The following MCTP2 variants were observed in gnomAD, a reference collection of about 807,000 sequenced individuals.
MCTP2 encodes the protein multiple C2 and transmembrane domain containing 2, also known as multiple C2 and transmembrane domain-containing protein 2.
MCTP2 carries 132 observed loss-of-function variants against 111.6 expected under a neutral mutation model. The observed-to-expected ratio is 1.18, with a 90% CI of 1.03 to 1.37. The LOEUF (loss-of-function observed/expected upper bound fraction) is 1.37, where lower values mean the gene tolerates loss of function less well. Among genes scored for constraint, MCTP2 ranks in the 40% most tolerant of loss-of-function variants. The pLI, the probability that MCTP2 is intolerant of heterozygous loss-of-function variation, is 0.00. For synonymous variants in MCTP2, 395 were observed against 387.7 expected (o/e 1.02, Z -0.22); for missense variants, 1,183 against 1,067.9 (o/e 1.11, Z -1.50).
chr15:94,340,162 A>C (rs760955411), intron 5 of MCTP2, 37 bp from the exon 6 acceptor site: 2 of 1,432,030 alleles, frequency 1.4e-6, no homozygotes, highest in Non-Finnish European at 2.0e-6. Context: ...TTGGTTTACC[A>C]TAATAATGTG....
chr15:94,467,794 C>T (rs776781990), intron 20 of MCTP2, among the ~76,000 whole-genome samples: 33 of 152,122 alleles, frequency 2.2e-4, no homozygotes, highest in Non-Finnish European at 3.2e-4. Flanking sequence ...AACATTTCAA[C>T]GCATATTGTA....
chr15:94,235,469 T>A (rs545492763), intron 1 of MCTP2, among the ~76,000 whole-genome samples: 40 of 152,282 alleles, frequency 2.6e-4, no homozygotes, highest in African/African-American at 9.6e-4. Flanking sequence ...TGAAAACCAC[T>A]GGTCTTAATA....
At position 94,395,777 on chromosome 15, in the gene MCTP2, A is replaced by C. The variant is rs2081252505; in HGVS notation, c.1789-3184A>C. ...AAGCATGACTCTGGGTCAAATTAAA[A>C]ATTTTCAGCAAGACTGTCTTCAGTG... On this transcript the variant is annotated intron_variant, in intron 14 of 22. Coordinates refer to ENST00000357742, the MANE Select transcript of MCTP2 (RefSeq NM_001385001.1). Among the ~76,000 whole-genome samples the C allele has an allele frequency of 2.0e-5, 3 of 152,306 alleles. No homozygotes were observed. The South Asian group carries it at 6.2e-4, about 32-fold the overall frequency.
At chr15:94,348,668 C>T (rs1411798327) in intron 8 of MCTP2, among the ~76,000 whole-genome samples, 2 of 150,768 alleles carry the variant, frequency 1.3e-5, no homozygotes, top group South Asian at 2.1e-4. Flanking sequence ...TCTAATTGAA[C>T]TCACATGTCT....
chr15:94,245,634 A>G (rs1292700672), intron 1 of MCTP2, among the ~76,000 whole-genome samples: 4 of 142,224 alleles, frequency 2.8e-5, no homozygotes, highest in Non-Finnish European at 6.1e-5. Context: ...ATATACATAT[A>G]CTTATACATA....
intron 1 of MCTP2, among the ~76,000 whole-genome samples, chr15:94,265,801 T>C (rs2073486437): frequency 6.6e-6 from 1 of 152,224 alleles, no homozygotes; most frequent in African/African-American, 2.4e-5. Context: ...ACTTAGAAAG[T>C]AGAAGGCTTT....
chr15:94,431,884 G>T (rs2083202533), intron 17 of MCTP2, among the ~76,000 whole-genome samples: 1 of 152,008 alleles, frequency 6.6e-6, no homozygotes, highest in Non-Finnish European at 1.5e-5. Flanking sequence ...TCTTTATTAT[G>T]ACAAATGAGT....
At chr15:94,324,560 C>A (rs1220244413) in intron 4 of MCTP2, among the ~76,000 whole-genome samples, 2 of 152,176 alleles carry the variant, frequency 1.3e-5, no homozygotes, top group African/African-American at 4.8e-5. Context: ...TAAATGAACA[C>A]TCATTCAGAA....
intron 1 of MCTP2, among the ~76,000 whole-genome samples, chr15:94,238,951 C>T (rs754332556): frequency 2.0e-5 from 3 of 149,976 alleles, no homozygotes; most frequent in Non-Finnish European, 4.4e-5. Context: ...TCTGTGTGAC[C>T]ACGCCCATGT....
intron 1 of MCTP2, among the ~76,000 whole-genome samples, chr15:94,250,792 G>A (rs1359282622): frequency 6.6e-6 from 1 of 152,170 alleles, no homozygotes; most frequent in Non-Finnish European, 1.5e-5. Context: ...AAAATTGACA[G>A]CAGAGCCCAA....
chr15:94,260,279 C>G (rs1011840085), intron 1 of MCTP2, among the ~76,000 whole-genome samples: 1 of 152,200 alleles, frequency 6.6e-6, no homozygotes, highest in Non-Finnish European at 1.5e-5. Flanking sequence ...GCTCTGCCAT[C>G]TCTTTAGCAT....
chr15:94,308,825 G>T (rs294539), intron 2 of MCTP2, among the ~76,000 whole-genome samples: 3,889 of 152,276 alleles, frequency 0.026, 83 homozygotes, highest in Middle Eastern at 0.068. Flanking sequence ...AGTAGACAGC[G>T]GTGTATTTCA....
chr15:94,441,947 A>G (rs115006061), intron 18 of MCTP2, among the ~76,000 whole-genome samples: 187 of 152,290 alleles, frequency 1.2e-3, no homozygotes, highest in African/African-American at 4.3e-3. Flanking sequence ...GAATTCTAGG[A>G]GGTAGGGCTA....
chr15:94,281,907 C>T (rs931307448), intron 1 of MCTP2, among the ~76,000 whole-genome samples: 1 of 152,006 alleles, frequency 6.6e-6, no homozygotes, highest in East Asian at 1.9e-4. Context: ...CTGAAAGGCC[C>T]ATCTTTGCCT....
intron 4 of MCTP2, among the ~76,000 whole-genome samples, chr15:94,332,004 C>T (rs1208452251): frequency 1.3e-5 from 2 of 152,180 alleles, no homozygotes; most frequent in Non-Finnish European, 2.9e-5. Flanking sequence ...TGGGAATGTG[C>T]ATGTTCTGTT....
Position 94,356,132 on chromosome 15 carries a change from T to A in MCTP2, c.1006-5T>A. 4 of 1,574,830 alleles carry A rather than the reference T, an allele frequency of 2.5e-6. No homozygotes were observed. The highest frequency in any genetic ancestry group is 3.4e-6 in the Non-Finnish European group (4 of 1,161,208). ...TTTACATGTCATCTTTATTTTTTGC[T>A]TTAGTCCTCTTTGATACGCAACCTA... On this transcript the variant is annotated splice_polypyrimidine_tract_variant and splice_region_variant and intron_variant, in intron 8 of 22. Transcript: ENST00000357742.
intron 1 of MCTP2, among the ~76,000 whole-genome samples, chr15:94,292,535 G>T (rs1056324370): frequency 2.0e-5 from 3 of 152,104 alleles, no homozygotes; most frequent in Non-Finnish European, 4.4e-5. Flanking sequence ...CAACAAAAAT[G>T]AAATACAAAT....
chr15:94,476,259 G>T (rs901256360), intron 21 of MCTP2: 2 of 154,688 alleles, frequency 1.3e-5, no homozygotes, highest in South Asian at 2.0e-4. Context: ...GCTAATGAAG[G>T]CCTTTTCCCA....
At chr15:94,372,630 A>G (rs532071248) in intron 12 of MCTP2, among the ~76,000 whole-genome samples, 15 of 152,338 alleles carry the variant, frequency 9.8e-5, no homozygotes, top group Admixed American at 5.9e-4. Flanking sequence ...GATCAGGATC[A>G]GAAAAGCCAA....
Sources: allele counts gnomAD v4.1 joint callset (sites outside exome capture counted in the v4.1 genomes callset), GRCh38; gene constraint gnomAD v4.1.1; transcripts MANE v1.5; gene names NCBI Gene and HGNC (gene_info 2026-07-23, HGNC 2026-07-21).